Variants in SLC2A10 observed in about 807,000 individuals in gnomAD.
SLC2A10 encodes solute carrier family 2, facilitated glucose transporter member 10.
Under a neutral mutation model 32.1 loss-of-function variants are expected in SLC2A10, and 25 were observed. The ratio of observed to expected loss-of-function variants is 0.78; its 90% CI spans 0.57 to 1.09. SLC2A10 has a LOEUF of 1.09. Ranked by LOEUF, SLC2A10 falls within the 50% of genes least tolerant of loss-of-function variation. The pLI, the probability that SLC2A10 is intolerant of heterozygous loss-of-function variation, is 0.00. For synonymous variants in SLC2A10, 332 were observed against 309.6 expected, an observed-to-expected ratio of 1.07 and a Z score of -0.76; for missense variants, 673 against 686.5, an observed-to-expected ratio of 0.98 and a Z score of 0.22.
Position 46,724,875 on chromosome 20 carries a change from C to CAGATGGAT in SLC2A10, c.5-166_5-165insAGATGGAT, listed in dbSNP as rs139655963. On this transcript the variant is annotated intron_variant, in intron 1 of 4. Coordinates refer to ENST00000359271, the MANE Select transcript of SLC2A10 (RefSeq NM_030777.4). ...TGAATTGATGGAGTGGATGGATGGA[C>CAGATGGAT]GGATGGATGGATGGATGGATGGATG... 3.6e-5 allele frequency among the ~76,000 whole-genome samples: 5 copies of CAGATGGAT among 139,758 alleles called. No homozygotes were observed. The East Asian group carries it at 6.7e-4, about 19-fold the overall frequency. 91.7% of individuals were successfully genotyped at this position (139,758 alleles called of 152,430 possible).
chr20:46,716,079 C>T (rs1048744728), intron 1 of SLC2A10, among the ~76,000 whole-genome samples: 1 of 151,972 alleles, frequency 6.6e-6, no homozygotes, highest in African/African-American at 2.4e-5. Context: ...AAGTGAGTTG[C>T]TTTACCCCCC....
chr20:46,731,479 G>A (rs1330935801), intron 4 of SLC2A10, among the ~76,000 whole-genome samples: 1 of 152,224 alleles, frequency 6.6e-6, no homozygotes, highest in African/African-American at 2.4e-5. Flanking sequence ...CTTGGGAGAA[G>A]ATTCCAAATC....
At chr20:46,723,565 A>G (rs191731945) in intron 1 of SLC2A10, among the ~76,000 whole-genome samples, 27 of 152,294 alleles carry the variant, frequency 1.8e-4, no homozygotes, top group Admixed American at 1.6e-3. Context: ...TCCTGTTGGG[A>G]CTCATAAAAA....
At chr20:46,724,942 G>T in intron 1 of SLC2A10, 99 bp from the exon 2 acceptor site, 4 of 1,496,680 alleles carry the variant, frequency 2.7e-6, no homozygotes, top group Non-Finnish European at 3.7e-6. Context: ...GTAGATGGAT[G>T]GATAAATGAA....
upstream of SLC2A10, among the ~76,000 whole-genome samples, chr20:46,708,898 C>A (rs543958483): frequency 6.6e-6 from 1 of 152,208 alleles, no homozygotes; most frequent in Non-Finnish European, 1.5e-5. Context: ...GTTCCCCCTG[C>A]GGGGAATGCC....
chr20:46,709,694 C>T lies in SLC2A10; in HGVS notation c.-43C>T. 2 of 1,536,750 alleles carry T rather than the reference C, an allele frequency of 1.3e-6. No individual in the cohort carries two copies. Among genetic ancestry groups the T allele is most frequent in the Non-Finnish European group, 1.8e-6 (2 of 1,142,176 alleles). On this transcript the variant is annotated 5_prime_UTR_variant, in exon 1 of 5. Coordinates refer to ENST00000359271, the MANE Select transcript of SLC2A10 (RefSeq NM_030777.4). Reference sequence around the variant, plus strand: ...GGGACTCCGGCGGGGGATGCGCGCCCGGCCCCTCAGCGCCCCCAGCACGCC... The same window carrying T: ...GGGACTCCGGCGGGGGATGCGCGCCTGGCCCCTCAGCGCCCCCAGCACGCC...
chr20:46,715,264 TCCA>T (rs1979169082), intron 1 of SLC2A10, among the ~76,000 whole-genome samples: 1 of 150,864 alleles, frequency 6.6e-6, no homozygotes, highest in African/African-American at 2.5e-5. Context: ...GTTTCTATTG[TCCA>T]TTGGCCTTAT....
rs887564667 is a variant in SLC2A10, at chr20:46,726,828, C to A, written c.1289-36C>A. On this transcript the variant is annotated intron_variant, in intron 2 of 4. Transcript: ENST00000359271. Reference sequence around the variant, plus strand: ...TGATGGTGCCAGGCCCCAGGTCCCACCACAGCCCAGGAGCCCTCCTGCTCT... The same window carrying A: ...TGATGGTGCCAGGCCCCAGGTCCCAACACAGCCCAGGAGCCCTCCTGCTCT... 7 of 1,613,700 alleles carry A rather than the reference C, an allele frequency of 4.3e-6. No individual in the cohort carries two copies. In the African/African-American group the frequency reaches 9.3e-5, roughly 22 times the overall value.
At chr20:46,718,330 T>C (rs1979369851) in intron 1 of SLC2A10, among the ~76,000 whole-genome samples, 1 of 152,246 alleles carries the variant, frequency 6.6e-6, no homozygotes, top group Non-Finnish European at 1.5e-5. Context: ...TCCTTATTTA[T>C]GCTTACCAAA....
chr20:46,710,035 G>T, intron 1 of SLC2A10: 1 of 515,886 alleles, frequency 1.9e-6, no homozygotes, highest in Non-Finnish European at 3.4e-6. Flanking sequence ...ACAGCCCCAG[G>T]CAAGTGCAGC....
chr20:46,733,712 C>T (rs1980416123), intron 4 of SLC2A10, 44 bp from the exon 5 acceptor site: 1 of 1,560,476 alleles, frequency 6.4e-7, no homozygotes, highest in Non-Finnish European at 8.8e-7. Flanking sequence ...GGGACGGCCC[C>T]AGGCCCTGCC....
At chr20:46,730,122 G>C (rs1267049064) in intron 4 of SLC2A10, among the ~76,000 whole-genome samples, 1 of 152,208 alleles carries the variant, frequency 6.6e-6, no homozygotes, top group African/African-American at 2.4e-5. Flanking sequence ...CAGGACCTTG[G>C]AGTAGCAAAA....
intron 1 of SLC2A10, among the ~76,000 whole-genome samples, chr20:46,710,858 G>A (rs1020176032): frequency 6.6e-5 from 10 of 152,210 alleles, no homozygotes; most frequent in South Asian, 2.1e-4. Context: ...GAGCGGGGCC[G>A]TGACCTGAAT....
chr20:46,713,016 C>G (rs1979023543), intron 1 of SLC2A10, among the ~76,000 whole-genome samples: 2 of 152,064 alleles, frequency 1.3e-5, no homozygotes, highest in Admixed American at 1.3e-4. Context: ...CACTTCCAGG[C>G]CCTGGACCTT....
intron 3 of SLC2A10, among the ~76,000 whole-genome samples, chr20:46,727,221 G>A (rs141108685): frequency 4.6e-5 from 7 of 152,300 alleles, no homozygotes; most frequent in Non-Finnish European, 7.3e-5. Flanking sequence ...GAGGTCAACC[G>A]GCAGGAGTAA....
intron 1 of SLC2A10, among the ~76,000 whole-genome samples, chr20:46,713,450 C>CACT (rs1979046600): frequency 6.6e-6 from 1 of 151,720 alleles, no homozygotes; most frequent in South Asian, 2.1e-4. Flanking sequence ...ACTTCCCAGG[C>CACT]AGAGAGGCTG....
Position 46,725,213 on chromosome 20 carries a change from C to T in SLC2A10, c.177C>T (p.Leu59=), listed in dbSNP as rs775505687. The change falls in exon 2 of 5, where the codon CTC becomes CTT. Residue 59 remains leucine (L), a synonymous_variant. Coordinates refer to ENST00000359271, the MANE Select transcript of SLC2A10 (RefSeq NM_030777.4). ...TGGGCAGCCTGCTCCTGGGGGCTCT[C>T]CTCGCCTCCCTGGTTGGTGGCTTCC... The part of the protein sequence containing the change: ...FLVGSLLLGA[L]LASLVGGFLI... The T allele has an allele frequency of 6.2e-7, 1 of 1,614,144 alleles. No individual in the cohort carries two copies. The highest frequency in any genetic ancestry group is 8.5e-7 in the Non-Finnish European group (1 of 1,180,012).
At position 46,734,661 on chromosome 20, in the gene SLC2A10, G is replaced by A. The variant is rs1046940735; in HGVS notation, c.*827G>A. ...TCTTTGACGGGAGGCCTCAGTTCTA[G>A]TCCTTGGTCTGCTGGTGTCATTGCT... On this transcript the variant is annotated 3_prime_UTR_variant, in exon 5 of 5. Transcript: ENST00000359271. The A allele has an allele frequency of 6.6e-6, 1 of 152,210 alleles. No individual in the cohort carries two copies. Among genetic ancestry groups the A allele is most frequent in the East Asian group, 1.9e-4 (1 of 5,194 alleles). The allele number at this position is 152,210 out of a possible 1,614,324, so 9.4% of individuals were successfully genotyped here. A position where few individuals can be genotyped will look rare whatever the true frequency, so the allele number is the denominator to read the frequency against.
In SLC2A10 at chr20:46,725,679, C is replaced by G; in HGVS notation, c.643C>G (p.Arg215Gly). 1 of 1,614,002 alleles carries G rather than the reference C, an allele frequency of 6.2e-7. No individual in the cohort carries two copies. The highest frequency in any genetic ancestry group is 8.5e-7 in the Non-Finnish European group (1 of 1,179,980). Residue 215 changes from arginine to glycine, a missense_variant, in exon 2 of 5, where the codon CGG becomes GGG. Transcript: ENST00000359271. ...EAPKLGPGRP[R>G]YSFLDLFRAR... is the part of the protein sequence containing the mutation. ...CCCCAAGCTGGGCCCGGGGAGGCCA[C>G]GGTACTCCTTTCTGGACCTCTTCAG...
Sources: allele counts gnomAD v4.1 joint callset (sites outside exome capture counted in the v4.1 genomes callset), GRCh38; gene constraint gnomAD v4.1.1; transcripts MANE v1.5; gene names NCBI Gene and HGNC (gene_info 2026-07-23, HGNC 2026-07-21).